The following FOXN3 variants were observed in gnomAD, a reference collection of about 807,000 sequenced individuals.
The protein encoded by FOXN3 is forkhead box protein N3.
Under a neutral mutation model 38.4 loss-of-function variants are expected in FOXN3, and 7 were observed. The ratio of observed to expected loss-of-function variants is 0.18; its 90% CI spans 0.10 to 0.34. The LOEUF (loss-of-function observed/expected upper bound fraction) is 0.34, where lower values mean the gene tolerates loss of function less well. Among genes scored for constraint, FOXN3 ranks in the 10% least tolerant of loss-of-function variants. The probability of loss-of-function intolerance (pLI) is 1.00; values close to 1 mark genes in which losing one functional copy is unlikely to be tolerated. For synonymous variants in FOXN3, 230 were observed against 242.2 expected, an observed-to-expected ratio of 0.95 and a Z score of 0.47; for missense variants, 456 against 613.4, an observed-to-expected ratio of 0.74 and a Z score of 2.71.
chr14:89,441,114 C>G (rs1358813915), intron 1 of FOXN3, among the ~76,000 whole-genome samples: 1 of 152,162 alleles, frequency 6.6e-6, no homozygotes, highest in Non-Finnish European at 1.5e-5. Flanking sequence ...CCCTGCCCTT[C>G]CCCAAAGTCT....
At chr14:89,330,942 G>A (rs1455221082) in intron 3 of FOXN3, among the ~76,000 whole-genome samples, 4 of 152,324 alleles carry the variant, frequency 2.6e-5, no homozygotes, top group East Asian at 1.9e-4. Flanking sequence ...AGGAATAAAC[G>A]GCTGCTGGAA....
At chr14:89,571,725 A>G (rs1895500676) in intron 1 of FOXN3, among the ~76,000 whole-genome samples, 1 of 152,204 alleles carries the variant, frequency 6.6e-6, no homozygotes, top group Non-Finnish European at 1.5e-5. Flanking sequence ...TTTATTTACA[A>G]AAAACAGATG....
intron 3 of FOXN3, among the ~76,000 whole-genome samples, chr14:89,305,075 A>G (rs1464879292): frequency 2.0e-5 from 3 of 152,112 alleles, no homozygotes; most frequent in Non-Finnish European, 4.4e-5. Context: ...AAGTTGTCCT[A>G]GAAAACTTAC....
chr14:89,379,660 T>C (rs1169015334), intron 2 of FOXN3, among the ~76,000 whole-genome samples: 4 of 152,178 alleles, frequency 2.6e-5, no homozygotes, highest in Non-Finnish European at 5.9e-5. Flanking sequence ...TTTTTCATTA[T>C]TATTATTGAG....
intron 2 of FOXN3, among the ~76,000 whole-genome samples, chr14:89,407,815 A>G (rs926116446): frequency 2.0e-5 from 3 of 152,188 alleles, no homozygotes; most frequent in Non-Finnish European, 2.9e-5. Flanking sequence ...TGGTCAACAG[A>G]GTGAAACCCT....
At chr14:89,431,291 C>G (rs1310020144) in intron 1 of FOXN3, among the ~76,000 whole-genome samples, 1 of 152,104 alleles carries the variant, frequency 6.6e-6, no homozygotes, top group Non-Finnish European at 1.5e-5. Flanking sequence ...ACTTCTTCAG[C>G]TTCACTTGAA....
intron 2 of FOXN3, among the ~76,000 whole-genome samples, chr14:89,388,853 G>A (rs1890858991): frequency 6.6e-6 from 1 of 151,940 alleles, no homozygotes. Context: ...AGGGGTGGGA[G>A]ACGAGGCTGC....
intron 2 of FOXN3, among the ~76,000 whole-genome samples, chr14:89,383,977 A>ATAAT: frequency 6.6e-6 from 1 of 152,252 alleles, no homozygotes; most frequent in South Asian, 2.1e-4. Context: ...CTATTTTAAA[A>ATAAT]TAATTAGGTC....
chr14:89,516,435 G>A (rs1180773115), intron 1 of FOXN3, among the ~76,000 whole-genome samples: 1 of 152,082 alleles, frequency 6.6e-6, no homozygotes, highest in African/African-American at 2.4e-5. Context: ...TCTTTCTGCT[G>A]TAACATAAGT....
At chr14:89,230,128 G>A (rs1884764356) in intron 4 of FOXN3, among the ~76,000 whole-genome samples, 1 of 152,244 alleles carries the variant, frequency 6.6e-6, no homozygotes, top group Non-Finnish European at 1.5e-5. Context: ...GGAAACCAGG[G>A]AGGAAGGTAT....
intron 1 of FOXN3, among the ~76,000 whole-genome samples, chr14:89,464,296 G>C (rs1892924467): frequency 6.6e-6 from 1 of 152,126 alleles, no homozygotes; most frequent in South Asian, 2.1e-4. Flanking sequence ...CTAACTTGGA[G>C]TTTAGAGGCA....
chr14:89,526,829 A>G (rs981047810), intron 1 of FOXN3, among the ~76,000 whole-genome samples: 1 of 152,234 alleles, frequency 6.6e-6, no homozygotes, highest in Non-Finnish European at 1.5e-5. Flanking sequence ...GACTTACAGT[A>G]CATGACTTTA....
chr14:89,259,064 T>G (rs1885716710), intron 4 of FOXN3, among the ~76,000 whole-genome samples: 1 of 152,236 alleles, frequency 6.6e-6, no homozygotes, highest in Non-Finnish European at 1.5e-5. Context: ...CCTGGTGGCT[T>G]TGAAGACTAC....
intron 5 of FOXN3, among the ~76,000 whole-genome samples, chr14:89,165,652 AT>A (rs1342417292): frequency 6.6e-6 from 1 of 152,214 alleles, no homozygotes; most frequent in Non-Finnish European, 1.5e-5. Flanking sequence ...CTGGGATAAG[AT>A]TACTTTGAGG....
At chr14:89,267,761 TA>T (rs1190150802) in intron 4 of FOXN3, among the ~76,000 whole-genome samples, 2 of 152,154 alleles carry the variant, frequency 1.3e-5, no homozygotes, top group Non-Finnish European at 2.9e-5. Context: ...GATCAGATGT[TA>T]AAAGAGAAAA....
At chr14:89,357,489 T>TC (rs1889278860) in intron 2 of FOXN3, among the ~76,000 whole-genome samples, 1 of 151,980 alleles carries the variant, frequency 6.6e-6, no homozygotes, top group Non-Finnish European at 1.5e-5. Context: ...GCACCTGTAA[T>TC]CCCAGCTACT....
intron 1 of FOXN3, among the ~76,000 whole-genome samples, chr14:89,528,958 G>A (rs994943972): frequency 2.2e-4 from 33 of 152,130 alleles, no homozygotes; most frequent in African/African-American, 7.7e-4. Flanking sequence ...TGAAGCCACG[G>A]ATGTACACAT....
At chr14:89,389,139 G>A (rs960635617) in intron 2 of FOXN3, among the ~76,000 whole-genome samples, 1 of 152,108 alleles carries the variant, frequency 6.6e-6, no homozygotes, top group Non-Finnish European at 1.5e-5. Flanking sequence ...TTACAGGCCC[G>A]TTTGGGAGGA....
intron 3 of FOXN3, among the ~76,000 whole-genome samples, chr14:89,310,212 C>G (rs1040488147): frequency 6.6e-6 from 1 of 152,160 alleles, no homozygotes; most frequent in Admixed American, 6.5e-5. Flanking sequence ...CAATGGCAGT[C>G]AGGTCTGAAT....
Sources: allele counts gnomAD v4.1 joint callset (sites outside exome capture counted in the v4.1 genomes callset), GRCh38; gene constraint gnomAD v4.1.1; transcripts MANE v1.5; gene names NCBI Gene and HGNC (gene_info 2026-07-23, HGNC 2026-07-21).